TSC2: variants seen among roughly 807,000 people sequenced by gnomAD.
TSC2 encodes tuberin.
Under a neutral mutation model 202.2 loss-of-function variants are expected in TSC2, and 29 were observed. The ratio of observed to expected loss-of-function variants is 0.14; its 90% CI spans 0.11 to 0.20. The LOEUF (loss-of-function observed/expected upper bound fraction) is 0.20, where lower values mean the gene tolerates loss of function less well. TSC2 is among the 10% of genes least tolerant of loss of function. The pLI is 1.00. For synonymous variants in TSC2, 1,349 were observed against 1,044.0 expected (o/e 1.29, Z -5.63); for missense variants, 2,429 against 2,420.0 (o/e 1.00, Z -0.08).
At position 2,089,382 on chromosome 16, in the gene TSC2, G is replaced by C. The variant is rs2091341117; in HGVS notation, c.*772G>C. On this transcript the variant is annotated 3_prime_UTR_variant, in exon 42 of 42. Coordinates refer to ENST00000219476, the MANE Select transcript of TSC2 (RefSeq NM_000548.5). ...GCGGCGGTGCAGGCTAACCCTCCCT[G>C]AAGCCAGCAGCCTTAGCAGTGGGGG... 1 of 408,078 alleles carries C rather than the reference G, an allele frequency of 2.5e-6. No homozygotes were observed. The highest frequency in any genetic ancestry group is 4.5e-6 in the Non-Finnish European group (1 of 223,130). The allele number at this position is 408,078 out of a possible 1,614,324, so 25.3% of individuals were successfully genotyped here. A position where few individuals can be genotyped will look rare whatever the true frequency, so the allele number is the denominator to read the frequency against.
At chr16:2,063,376 G>A in intron 14 of TSC2, 1 of 505,656 alleles carries the variant, frequency 2.0e-6, no homozygotes, top group Non-Finnish European at 3.6e-6. Flanking sequence ...TCTTGCATGG[G>A]GACATTGTCT....
Position 2,056,724 on chromosome 16 carries a change from C to G in TSC2, c.729C>G (p.Leu243=), listed in dbSNP as rs45473698. 5,099 of 1,612,278 alleles carry G rather than the reference C, an allele frequency of 3.2e-3. 10 individuals carry two copies. Among genetic ancestry groups the G allele is most frequent in the Non-Finnish European group, 3.1e-3 (3,696 of 1,180,020 alleles). Residue 243 remains leucine (L), a synonymous_variant, in exon 8 of 42, where the codon CTC becomes CTG. Transcript: ENST00000219476. ...AESLPLFIVT[L]CRTINVKELC... ...GCCTCCCGCTGTTCATCGTTACCCTCTGTCGCACCATCAACGTCAAGGAGC... is the reference window on the plus strand; with the variant it reads ...GCCTCCCGCTGTTCATCGTTACCCTGTGTCGCACCATCAACGTCAAGGAGC...
chr16:2,080,713 T>G (rs1467580401), intron 30 of TSC2: 1 of 311,402 alleles, frequency 3.2e-6, no homozygotes, highest in Non-Finnish European at 6.2e-6. Flanking sequence ...CTCAATCTCC[T>G]GACCTCGTGA....
At chr16:2,081,972 G>A in intron 31 of TSC2, 174 bp downstream of exon 31, 2 of 939,306 alleles carry the variant, frequency 2.1e-6, no homozygotes, top group Non-Finnish European at 3.3e-6. Flanking sequence ...CGTGGGAGGT[G>A]TCTGCCCTGC....
In TSC2 at chr16:2,089,389, G is replaced by A. The variant is rs987859249; in HGVS notation, c.*779G>A. 7.2e-6 allele frequency: 3 copies of A among 415,520 alleles called. No homozygotes were observed. The highest frequency in any genetic ancestry group is 4.0e-5 in the African/African-American group (2 of 49,918). 25.7% of individuals were successfully genotyped at this position (415,520 alleles called of 1,614,324 possible). ...TGCAGGCTAACCCTCCCTGAAGCCA[G>A]CAGCCTTAGCAGTGGGGGACATCTG... On this transcript the variant is annotated 3_prime_UTR_variant, in exon 42 of 42. Coordinates refer to ENST00000219476, the MANE Select transcript of TSC2 (RefSeq NM_000548.5).
Position 2,083,704 on chromosome 16 carries a change from TG to T in TSC2, c.3895del (p.Val1299SerfsTer26). The T allele has an allele frequency of 6.3e-7, 1 of 1,587,560 alleles. No individual in the cohort carries two copies. Among genetic ancestry groups the T allele is most frequent in the East Asian group, 2.3e-5 (1 of 44,040 alleles). ...GTCTGTGTCCTCCCAGACTCCGCCG[TG>T]GTCATGGAGGAGGGAAGTCCGGGCG... Reference protein sequence around the residue: ...HRSVSWADSAVVMEEGSPGEV... With the variant: ...HRSVSWADSAXVMEEGSPGEV... On this transcript the variant is annotated frameshift_variant, in exon 33 of 42. Coordinates refer to ENST00000219476, the MANE Select transcript of TSC2 (RefSeq NM_000548.5). LOFTEE classifies it high-confidence loss of function.
At chr16:2,054,989 C>T (rs1221924526) in intron 5 of TSC2, 3 of 346,324 alleles carry the variant, frequency 8.7e-6, no homozygotes, top group Non-Finnish European at 1.7e-5. Flanking sequence ...CAGGTGCCTA[C>T]CGTCAGGTTT....
In TSC2 at chr16:2,085,072, C is replaced by T. The variant is rs45482793; in HGVS notation, c.4569+46C>T. The stretch of plus-strand genomic sequence containing the variant: ...CTGCATCCGCTGGAGCTGTGTGGCT[C>T]GGGTGAATGGTGGGGGGCCCAGCTC... On this transcript the variant is annotated intron_variant, in intron 35 of 41. Transcript: ENST00000219476. 21,863 of 1,610,540 alleles carry T rather than the reference C, an allele frequency of 0.014. 183 individuals are homozygous for T. The highest frequency in any genetic ancestry group is 0.017 in the Non-Finnish European group (19,483 of 1,177,896).
In TSC2 at chr16:2,072,930, C is replaced by T. The variant is rs1422055326; in HGVS notation, c.2302C>T (p.Pro768Ser). 1.2e-6 allele frequency: 2 copies of T among 1,613,646 alleles called. No homozygotes were observed. ...AACTGACTTGCACCTGGCCGTGGTT[C>T]CAGTGCTGACAGCATTAATCTCTTA... ...SRTDLHLAVV[P>S]VLTALISYHN... Residue 768 changes from proline to serine, a missense_variant, in exon 21 of 42, where the codon CCA (proline) becomes TCA (serine). By Grantham distance (74) the Pro-to-Ser change is moderately conservative. Transcript: ENST00000219476.
Position 2,088,894 on chromosome 16 carries a change from C to CAT in TSC2, c.*285_*286insTA. On this transcript the variant is annotated 3_prime_UTR_variant, in exon 42 of 42. Coordinates refer to ENST00000219476, the MANE Select transcript of TSC2 (RefSeq NM_000548.5). ...GCGTGCGCGCGCGCACACACACACA[C>CAT]ACACAGTCACCTTCCTCCACCCTGG... 2.3e-6 allele frequency: 1 copy of CAT among 432,292 alleles called. No homozygotes were observed. The highest frequency in any genetic ancestry group is 3.9e-5 in the Admixed American group (1 of 25,746). 26.8% of individuals were successfully genotyped at this position (432,292 alleles called of 1,614,324 possible). A position where few individuals can be genotyped will look rare whatever the true frequency, so the allele number is the denominator to read the frequency against.
intron 36 of TSC2, 98 bp downstream of exon 36, chr16:2,085,420 C>CG (rs752006448): frequency 7.1e-5 from 92 of 1,299,276 alleles, no homozygotes; most frequent in Non-Finnish European, 9.3e-5. Context: ...CCACAGAGCT[C>CG]AACACTGCCG....
rs397514989 is a variant in TSC2 at position 2,053,513 on chromosome 16, C to T, written c.336+61C>T. 1.3e-5 allele frequency: 19 copies of T among 1,489,436 alleles called. No individual in the cohort carries two copies. Among genetic ancestry groups the T allele is most frequent in the Non-Finnish European group, 1.4e-5 (15 of 1,100,180 alleles). 92.3% of individuals were successfully genotyped at this position (1,489,436 alleles called of 1,614,324 possible). On this transcript the variant is annotated intron_variant, in intron 4 of 41. Transcript: ENST00000219476. The stretch of plus-strand genomic sequence containing the variant: ...AGGCTGCCCACTGACTGTCCTGTCC[C>T]TGCTGGGCCGTGTTTGGACTCCTGC...
At chr16:2,081,429 G>C in intron 30 of TSC2, 166 bp from the exon 31 acceptor site, 1 of 876,914 alleles carries the variant, frequency 1.1e-6, no homozygotes, top group Non-Finnish European at 1.8e-6. Context: ...CGGGGCAGCA[G>C]GGTGGGTGGC....
At position 2,088,665 on chromosome 16, in the gene TSC2, TA is replaced by T; in HGVS notation, c.*58del. 2.6e-6 allele frequency: 4 copies of T among 1,548,696 alleles called. No individual in the cohort carries two copies. The highest frequency in any genetic ancestry group is 3.5e-6 in the Non-Finnish European group (4 of 1,156,536). On this transcript the variant is annotated 3_prime_UTR_variant, in exon 42 of 42. Coordinates refer to ENST00000219476, the MANE Select transcript of TSC2 (RefSeq NM_000548.5). Reference sequence around the variant, plus strand: ...TGGACGGTATTGCCTGTCAGTGAAATAAATAAAGTCCTGACCCCAGTGCACA... The same window carrying T: ...TGGACGGTATTGCCTGTCAGTGAAATAATAAAGTCCTGACCCCAGTGCACA...
intron 36 of TSC2, among the ~76,000 whole-genome samples, 165 bp from the exon 37 acceptor site, chr16:2,086,028 G>A (rs1353310108): frequency 6.6e-6 from 1 of 152,184 alleles, no homozygotes; most frequent in Non-Finnish European, 1.5e-5. Flanking sequence ...GGGAGTCAAG[G>A]ATGACACCCG....
rs944024687 is a variant in TSC2 at position 2,065,773 on chromosome 16, G to T, written c.1716+138G>T. ...ATTTGCTGAGGGTGCGGTGGTCTCA[G>T]CAGGCAGCAGAACCTTCCTCCTGCT... On this transcript the variant is annotated intron_variant, in intron 16 of 41. Coordinates refer to ENST00000219476, the MANE Select transcript of TSC2 (RefSeq NM_000548.5). 19 of 767,984 alleles carry T rather than the reference G, an allele frequency of 2.5e-5. No individual in the cohort carries two copies. In the African/African-American group the frequency reaches 3.1e-4, roughly 12 times the overall value. The allele number at this position is 767,984 out of a possible 1,614,324, so 47.6% of individuals were successfully genotyped here. A position where few individuals can be genotyped will look rare whatever the true frequency, so the allele number is the denominator to read the frequency against.
chr16:2,075,458 T>C (rs1165524967), intron 22 of TSC2, among the ~76,000 whole-genome samples: 2 of 123,802 alleles, frequency 1.6e-5, no homozygotes, highest in Non-Finnish European at 3.1e-5. Context: ...ACCCAGGGGG[T>C]GGAGCTTGCA....
rs368184433 is a variant in TSC2, at chr16:2,054,480, C to T, written c.481+40C>T. ...GGGTTGGAGGTTTCTCTGGCCTTGA[C>T]GATCAAGTGTAACCTGGATGGGAAG... On this transcript the variant is annotated intron_variant, in intron 5 of 41. Transcript: ENST00000219476. The T allele has an allele frequency of 4.4e-5, 71 of 1,613,126 alleles. No homozygotes were observed. In the Admixed American group the frequency reaches 5.8e-4, roughly 13 times the overall value.
At chr16:2,083,154 C>T (rs1284217349) in intron 32 of TSC2, 2 of 456,908 alleles carry the variant, frequency 4.4e-6, no homozygotes, top group South Asian at 1.5e-5. Context: ...CTTCTACTTC[C>T]TCTCCCCCTG....
Sources: allele counts gnomAD v4.1 joint callset (sites outside exome capture counted in the v4.1 genomes callset), GRCh38; gene constraint gnomAD v4.1.1; transcripts MANE v1.5; gene names NCBI Gene and HGNC (gene_info 2026-07-23, HGNC 2026-07-21).